The following SORL1 variants were observed in gnomAD, a reference collection of about 807,000 sequenced individuals.
The protein encoded by SORL1 is sortilin related receptor 1, also known as sortilin-related receptor.
A neutral mutation model predicts 273.7 loss-of-function variants in SORL1; 127 were observed. The ratio of observed to expected loss-of-function variants is 0.46; its 90% CI spans 0.40 to 0.54. SORL1 has a LOEUF of 0.54. Among genes scored for constraint, SORL1 ranks in the 20% least tolerant of loss-of-function variants. The pLI, the probability that SORL1 is intolerant of heterozygous loss-of-function variation, is 0.00. For synonymous variants in SORL1, 1,031 were observed against 1,067.4 expected, an observed-to-expected ratio of 0.97 and a Z score of 0.66; for missense variants, 2,494 against 2,846.1, an observed-to-expected ratio of 0.88 and a Z score of 2.81.
rs182140779 is a variant in SORL1, at chr11:121,516,301, C to T, written c.1211+1980C>T. ...TAGAGACGCTGGAAATGGTCAGACCCTAAATATATTTTGAAAGTAGAGCCA... is the reference window on the plus strand; with the variant it reads ...TAGAGACGCTGGAAATGGTCAGACCTTAAATATATTTTGAAAGTAGAGCCA... On this transcript the variant is annotated intron_variant, in intron 8 of 47. Coordinates refer to ENST00000260197, the MANE Select transcript of SORL1 (RefSeq NM_003105.6). Among the ~76,000 whole-genome samples the T allele has an allele frequency of 1.6e-3, 238 of 152,264 alleles. 2 individuals carry two copies. The highest frequency in any genetic ancestry group is 5.4e-3 in the African/African-American group (226 of 41,554).
chr11:121,602,270 GAAA>G (rs2134918419), intron 32 of SORL1, among the ~76,000 whole-genome samples: 1 of 152,302 alleles, frequency 6.6e-6, no homozygotes, highest in East Asian at 1.9e-4. Flanking sequence ...TATAGTTTGT[GAAA>G]AGCCTCATAA....
intron 24 of SORL1, among the ~76,000 whole-genome samples, chr11:121,576,209 C>T (rs144669694): frequency 5.7e-4 from 87 of 152,274 alleles, no homozygotes; most frequent in Middle Eastern, 3.4e-3. Context: ...TTGTTTCTCA[C>T]AGTACTGGAG....
At chr11:121,480,193 ATAAC>A (rs1297007570) in intron 3 of SORL1, among the ~76,000 whole-genome samples, 1 of 152,210 alleles carries the variant, frequency 6.6e-6, no homozygotes, top group Non-Finnish European at 1.5e-5. Flanking sequence ...TCACACAAAA[ATAAC>A]TATGAGAGGG....
At chr11:121,576,289 A>T (rs1862929738) in intron 24 of SORL1, among the ~76,000 whole-genome samples, 1 of 152,198 alleles carries the variant, frequency 6.6e-6, no homozygotes, top group Admixed American at 6.5e-5. Flanking sequence ...CATAGATGGT[A>T]CCTTCACTGC....
intron 16 of SORL1, among the ~76,000 whole-genome samples, chr11:121,551,221 A>C (rs1383890660): frequency 6.6e-6 from 1 of 152,208 alleles, no homozygotes; most frequent in Admixed American, 6.5e-5. Flanking sequence ...GAGGAGGTTA[A>C]ATGGCTTAAG....
chr11:121,611,256 A>G (rs1369349682), intron 39 of SORL1, 98 bp downstream of exon 39: 2 of 806,782 alleles, frequency 2.5e-6, no homozygotes, highest in Non-Finnish European at 4.0e-6. Flanking sequence ...AACAAAAAAC[A>G]AAAAACAAAA....
At chr11:121,586,661 G>A (rs917635226) in intron 27 of SORL1, among the ~76,000 whole-genome samples, 1 of 114,230 alleles carries the variant, frequency 8.8e-6, no homozygotes, top group Admixed American at 1.2e-4. Flanking sequence ...GATTGGTTTT[G>A]TTAGTGTTGC....
At chr11:121,465,709 A>C (rs1036167623) in intron 1 of SORL1, among the ~76,000 whole-genome samples, 4 of 152,104 alleles carry the variant, frequency 2.6e-5, no homozygotes, top group African/African-American at 9.7e-5. Context: ...TTGTATTTTT[A>C]GTAGAGACGG....
intron 30 of SORL1, chr11:121,590,527 A>T (rs1437273598): frequency 5.8e-6 from 3 of 521,272 alleles, no homozygotes; most frequent in East Asian, 6.9e-5. Flanking sequence ...CATGCTAATA[A>T]GCCCCCAGGT....
intron 8 of SORL1, among the ~76,000 whole-genome samples, chr11:121,516,990 T>C (rs1043577036): frequency 5.3e-5 from 8 of 151,998 alleles, no homozygotes; most frequent in African/African-American, 9.7e-5. Context: ...AGGTAGAGGA[T>C]GCAGTGAGCC....
intron 13 of SORL1, 93 bp downstream of exon 13, chr11:121,543,819 G>T: frequency 8.2e-7 from 1 of 1,213,162 alleles, no homozygotes; most frequent in Non-Finnish European, 1.1e-6. Context: ...GTACTCAGAA[G>T]AGCCTGACAT....
At chr11:121,578,464 G>A (rs1862969120) in intron 25 of SORL1, among the ~76,000 whole-genome samples, 2 of 152,192 alleles carry the variant, frequency 1.3e-5, no homozygotes, top group African/African-American at 4.8e-5. Context: ...TTGGTAAAAG[G>A]AAATACAAAG....
rs760652933 is a variant in SORL1 at position 121,567,123 on chromosome 11, T to G, written c.3223+10T>G. ...ACCTGTGTCAAACAAGGTACTTCCC[T>G]TTTTCTTTTTTGCCTGTCATCCTCC... On this transcript the variant is annotated intron_variant, in intron 22 of 47. Transcript: ENST00000260197. 6.2e-7 allele frequency: 1 copy of G among 1,604,706 alleles called. No individual in the cohort carries two copies. Among genetic ancestry groups the G allele is most frequent in the Non-Finnish European group, 8.5e-7 (1 of 1,174,562 alleles).
Position 121,452,472 on chromosome 11 carries a change from C to T in SORL1, c.141C>T (p.Gly47=). 2 of 1,505,904 alleles carry T rather than the reference C, an allele frequency of 1.3e-6. No individual in the cohort carries two copies. Among genetic ancestry groups the T allele is most frequent in the Non-Finnish European group, 8.9e-7 (1 of 1,128,402 alleles). The allele number at this position is 1,505,904 out of a possible 1,614,324, so 93.3% of individuals were successfully genotyped here. The change falls in exon 1 of 48, where the codon GGC becomes GGT. Residue 47 remains glycine, a synonymous_variant. Transcript: ENST00000260197. This position sits in a 1 kb window ranked among gnomAD's most constrained non-coding sequence, Gnocchi z 5.3. ...GGSAPLPQDR[G]FLVVQGDPRE... Reference sequence around the variant, plus strand: ...GCGCGCCCTTGCCCCAGGACCGGGGCTTCCTCGTGGTGCAGGGCGACCCGC... The same window carrying T: ...GCGCGCCCTTGCCCCAGGACCGGGGTTTCCTCGTGGTGCAGGGCGACCCGC...
Position 121,590,185 on chromosome 11 carries a change from C to T in SORL1, c.4213+11C>T. 1.2e-6 allele frequency: 2 copies of T among 1,613,444 alleles called. No homozygotes were observed. The highest frequency in any genetic ancestry group is 1.7e-6 in the Non-Finnish European group (2 of 1,179,598). ...AGAAGGATTGTGGAGGTAAGAGGCC[C>T]CTGGGGCCTGGGTTAGCCCCATAAC... On this transcript the variant is annotated intron_variant, in intron 30 of 47. Coordinates refer to ENST00000260197, the MANE Select transcript of SORL1 (RefSeq NM_003105.6).
rs142031779 is a variant in SORL1 at position 121,481,138 on chromosome 11, C to G, written c.528+2895C>G. Among the ~76,000 whole-genome samples, 344 of 131,252 alleles carry G rather than the reference C, an allele frequency of 2.6e-3. 21 individuals are homozygous for G. The highest frequency in any genetic ancestry group is 0.011 in the African/African-American group (330 of 30,966). 86.1% of individuals were successfully genotyped at this position (131,252 alleles called of 152,430 possible). A position where few individuals can be genotyped will look rare whatever the true frequency, so the allele number is the denominator to read the frequency against. On this transcript the variant is annotated intron_variant, in intron 3 of 47. Coordinates refer to ENST00000260197, the MANE Select transcript of SORL1 (RefSeq NM_003105.6). Reference sequence around the variant, plus strand: ...AGATACCTGTAGGCAGACTCCATCTCTTCTTCCCCAGCTTCTTCCGTAGTG... The same window carrying G: ...AGATACCTGTAGGCAGACTCCATCTGTTCTTCCCCAGCTTCTTCCGTAGTG...
rs370620624 is a variant in SORL1 at position 121,488,201 on chromosome 11, G to A, written c.690+8G>A. On this transcript the variant is annotated splice_region_variant and intron_variant, in intron 4 of 47. Transcript: ENST00000260197. ...TCCCACCCCAACAAGCAGGTAAGAG[G>A]GCTTTCAGAACCCAGTTGCATGGGG... 1.8e-5 allele frequency: 29 copies of A among 1,612,986 alleles called. No individual in the cohort carries two copies. The highest frequency in any genetic ancestry group is 7.6e-6 in the Non-Finnish European group (9 of 1,179,542).
chr11:121,532,653 C>G, intron 12 of SORL1, 101 bp downstream of exon 12: 1 of 963,726 alleles, frequency 1.0e-6, no homozygotes, highest in Non-Finnish European at 1.6e-6. Context: ...ATGTTGTTGA[C>G]AGCACAATTT....
At position 121,574,281 on chromosome 11, in the gene SORL1, G is replaced by A. The variant is rs1323408319; in HGVS notation, c.3378G>A (p.Gln1126=). 1.2e-6 allele frequency: 2 copies of A among 1,613,768 alleles called. No homozygotes were observed. Among genetic ancestry groups the A allele is most frequent in the Non-Finnish European group, 1.7e-6 (2 of 1,179,768 alleles). Residue 1126 remains glutamine, a synonymous_variant, in exon 24 of 48, where the codon CAG becomes CAA. Coordinates refer to ENST00000260197, the MANE Select transcript of SORL1 (RefSeq NM_003105.6). ...ICDLDTQFRC[Q]ESGTCIPLSY... is the part of the protein sequence containing the mutation. ...ACCTGGACACCCAGTTTCGTTGCCAGGAGTCTGGGACTTGTATCCCACTGT... is the reference window on the plus strand; with the variant it reads ...ACCTGGACACCCAGTTTCGTTGCCAAGAGTCTGGGACTTGTATCCCACTGT...
Sources: gnomAD v4.1 joint callset for allele counts (sites outside exome capture counted in the v4.1 genomes callset) on GRCh38, gnomAD v4.1.1 for gene constraint, Gnocchi (gnomAD v3.1) non-coding constraint, MANE v1.5 for transcripts, NCBI Gene and HGNC (gene_info 2026-07-23, HGNC 2026-07-21) for gene names.